CFAP54: variants seen among roughly 807,000 people sequenced by gnomAD.
The protein encoded by CFAP54 is cilia- and flagella-associated protein 54.
CFAP54 carries 290 observed loss-of-function variants against 370.4 expected under a neutral mutation model. The observed-to-expected ratio is 0.78, with a 90% confidence interval of 0.71 to 0.86. CFAP54 has a LOEUF of 0.86. Ranked by LOEUF, CFAP54 falls within the 40% of genes least tolerant of loss-of-function variation. The probability of loss-of-function intolerance (pLI) is 0.00; values close to 1 mark genes in which losing one functional copy is unlikely to be tolerated. For synonymous variants in CFAP54, 1,206 were observed against 1,236.5 expected, an observed-to-expected ratio of 0.98 and a Z score of 0.52; for missense variants, 3,399 against 3,528.7, an observed-to-expected ratio of 0.96 and a Z score of 0.93.
chr12:96,769,457 G>A (rs1291826742), intron 60 of CFAP54, among the ~76,000 whole-genome samples: 2 of 152,194 alleles, frequency 1.3e-5, no homozygotes, highest in African/African-American at 2.4e-5. Flanking sequence ...CTGAAAGAAC[G>A]TTCGGGGGGC....
At chr12:96,522,278 T>C in intron 8 of CFAP54, 89 bp downstream of exon 8, 1 of 877,182 alleles carries the variant, frequency 1.1e-6, no homozygotes, top group Non-Finnish European at 1.7e-6. Context: ...AGTCACTCAT[T>C]ATTAAATTCT....
At chr12:96,528,882 G>T (rs1955410781) in intron 9 of CFAP54, among the ~76,000 whole-genome samples, 1 of 151,976 alleles carries the variant, frequency 6.6e-6, no homozygotes, top group Admixed American at 6.6e-5. Flanking sequence ...TGATTTTTAG[G>T]ATTTGTTATT....
chr12:96,500,517 G>C (rs7959767), intron 1 of CFAP54, among the ~76,000 whole-genome samples: 63,418 of 151,954 alleles, frequency 0.42, 13,751 homozygotes, highest in South Asian at 0.46. Flanking sequence ...GTTGATAATG[G>C]GGAGGGCTGT....
chr12:96,547,213 TCTCA>T (rs1644813220), intron 14 of CFAP54, among the ~76,000 whole-genome samples: 1 of 152,100 alleles, frequency 6.6e-6, no homozygotes, highest in Non-Finnish European at 1.5e-5. Flanking sequence ...TGAGATGAAG[TCTCA>T]CTCTGTCGCC....
chr12:96,785,638 G>A (rs191732438), intron 61 of CFAP54, among the ~76,000 whole-genome samples: 88 of 152,276 alleles, frequency 5.8e-4, no homozygotes, highest in African/African-American at 2.0e-3. Context: ...GAAGTTCAGA[G>A]GGAAAGGACA....
intron 26 of CFAP54, among the ~76,000 whole-genome samples, chr12:96,613,487 A>G (rs915121418): frequency 2.0e-5 from 3 of 152,234 alleles, no homozygotes; most frequent in African/African-American, 7.2e-5. Context: ...AACACATTCA[A>G]AAGCTAGCAG....
intron 32 of CFAP54, among the ~76,000 whole-genome samples, chr12:96,632,043 G>A (rs948524838): frequency 2.0e-5 from 3 of 151,816 alleles, no homozygotes; most frequent in Middle Eastern, 3.4e-3. Flanking sequence ...GAACTATGTG[G>A]TATGAAATTT....
chr12:96,646,262 AC>A (rs1414463446), intron 33 of CFAP54: 1 of 152,218 alleles, frequency 6.6e-6, no homozygotes, highest in African/African-American at 2.4e-5. Context: ...CAAGAAAAAA[AC>A]AACCCCATCA....
intron 19 of CFAP54, among the ~76,000 whole-genome samples, chr12:96,571,323 T>C (rs1479339463): frequency 6.6e-6 from 1 of 152,214 alleles, no homozygotes; most frequent in Non-Finnish European, 1.5e-5. Context: ...ATACTGTGGT[T>C]TTGGTGGCAC....
At position 96,768,857 on chromosome 12, in the gene CFAP54, G is replaced by T. The variant is rs2136676020; in HGVS notation, c.8281+3639G>T. Among the ~76,000 whole-genome samples the T allele has an allele frequency of 2.0e-5, 3 of 152,240 alleles. 1 individual carries two copies. The Middle Eastern group carries it at 0.01, about 518-fold the overall frequency. On this transcript the variant is annotated intron_variant, in intron 60 of 67. Transcript: ENST00000524981. ...TTTTCTGGGAGAGGTATATTATGGGGCAGGTGTAAATTGACTCAGGGGAAG... is the reference window on the plus strand; with the variant it reads ...TTTTCTGGGAGAGGTATATTATGGGTCAGGTGTAAATTGACTCAGGGGAAG...
intron 66 of CFAP54, among the ~76,000 whole-genome samples, chr12:96,837,538 C>T (rs1037385724): frequency 6.6e-6 from 1 of 152,178 alleles, no homozygotes; most frequent in African/African-American, 2.4e-5. Flanking sequence ...TGTATAAGTG[C>T]AGGTTGGGTC....
At chr12:96,541,410 C>T (rs28595144) in intron 14 of CFAP54, among the ~76,000 whole-genome samples, 18,428 of 151,812 alleles carry the variant, frequency 0.12, 1,196 homozygotes, top group Middle Eastern at 0.19. Context: ...CTCAGCCTCC[C>T]GAGTAGCTGG....
intron 63 of CFAP54, among the ~76,000 whole-genome samples, chr12:96,811,382 G>A (rs1373893329): frequency 2.0e-5 from 3 of 152,128 alleles, no homozygotes; most frequent in Non-Finnish European, 2.9e-5. Flanking sequence ...TTATGGGAAC[G>A]GTACACATTG....
intron 33 of CFAP54, among the ~76,000 whole-genome samples, chr12:96,647,285 AAC>A (rs1017648111): frequency 7.9e-5 from 12 of 151,750 alleles, no homozygotes; most frequent in Non-Finnish European, 1.5e-4. Context: ...CATCCTGGCT[AAC>A]ACGCTGAAAC....
At chr12:96,658,145 C>T (rs1324748399) in intron 37 of CFAP54, 40 bp downstream of exon 37, 1 of 1,528,068 alleles carries the variant, frequency 6.5e-7, no homozygotes, top group Non-Finnish European at 8.9e-7. Flanking sequence ...TAGAAGACTT[C>T]ATTGAAAAAA....
At chr12:96,540,787 A>G (rs1955561288) in intron 13 of CFAP54, 50 bp from the exon 14 acceptor site, 4 of 1,200,822 alleles carry the variant, frequency 3.3e-6, no homozygotes, top group Non-Finnish European at 4.3e-6. Context: ...GACTGTTTCT[A>G]CAGTTTCATA....
intron 17 of CFAP54, among the ~76,000 whole-genome samples, chr12:96,561,723 ACACAC>A (rs1312305732): frequency 1.4e-5 from 2 of 143,642 alleles, no homozygotes; most frequent in African/African-American, 2.7e-5. Context: ...ACACACACAC[ACACAC>A]ACACACACAC....
intron 5 of CFAP54, among the ~76,000 whole-genome samples, chr12:96,517,492 G>A (rs1429783461): frequency 1.3e-5 from 2 of 152,270 alleles, no homozygotes; most frequent in East Asian, 3.9e-4. Flanking sequence ...TTTAGGCATG[G>A]CTTAATCATA....
At chr12:96,526,059 T>A (rs1487607670) in intron 8 of CFAP54, among the ~76,000 whole-genome samples, 1 of 152,216 alleles carries the variant, frequency 6.6e-6, no homozygotes, top group Non-Finnish European at 1.5e-5. Flanking sequence ...GGGAAGCTAG[T>A]GCTTGCGGGA....
Sources: gnomAD v4.1 joint callset for allele counts (sites outside exome capture counted in the v4.1 genomes callset) on GRCh38, gnomAD v4.1.1 for gene constraint, MANE v1.5 for transcripts, NCBI Gene and HGNC (gene_info 2026-07-23, HGNC 2026-07-21) for gene names.